Variants in PDIA2 observed in about 807,000 individuals in gnomAD.
PDIA2 encodes the protein protein disulfide-isomerase A2.
A neutral mutation model predicts 51.1 loss-of-function variants in PDIA2; 76 were observed. The ratio of observed to expected loss-of-function variants is 1.49; its 90% CI spans 1.24 to 1.80. The LOEUF is 1.80. Ranked by LOEUF, PDIA2 falls within the 40% of genes most tolerant of loss-of-function variation. PDIA2 has a pLI of 0.00. For synonymous variants in PDIA2, 429 were observed against 309.9 expected, an observed-to-expected ratio of 1.38 and a Z score of -4.04; for missense variants, 946 against 706.5, an observed-to-expected ratio of 1.34 and a Z score of -3.84.
intron 9 of PDIA2, 50 bp downstream of exon 9, chr16:286,785 G>A (rs369183261): frequency 1.4e-4 from 218 of 1,611,996 alleles, no homozygotes; most frequent in Non-Finnish European, 1.7e-4. Flanking sequence ...ATCTTGCTGG[G>A]CATGGGGCTG....
At chr16:283,916 G>C (rs1419179391) in intron 1 of PDIA2, among the ~76,000 whole-genome samples, 2 of 152,208 alleles carry the variant, frequency 1.3e-5, no homozygotes, top group Non-Finnish European at 2.9e-5. Context: ...CCAGGCTGGA[G>C]TGCAGTGGCC....
chr16:285,811 G>GCAGAGGCCCCC, intron 7 of PDIA2, 108 bp downstream of exon 7: 1 of 1,242,058 alleles, frequency 8.1e-7, no homozygotes, highest in Non-Finnish European at 1.1e-6. Context: ...TGCAGGCCCC[G>GCAGAGGCCCCC]CAGAGGCCCC....
chr16:284,573 C>T lies in PDIA2; in HGVS notation c.386C>T (p.Thr129Met), dbSNP rs200818617. ...TLKFFRNGNR[T>M]HPEEYTGPRD... is the part of the protein sequence containing the mutation. ...AAGTTCTTCCGCAATGGGAACCGCA[C>T]GCACCCGGAGGAGTACACAGGTGAG... The change falls in exon 2 of 11, where the codon ACG becomes ATG. Residue 129 changes from threonine to methionine, a missense_variant. Physicochemically the swap from Thr to Met is moderately conservative, Grantham distance 81. Coordinates refer to ENST00000219406, the MANE Select transcript of PDIA2 (RefSeq NM_006849.4). The T allele has an allele frequency of 2.5e-5, 40 of 1,612,412 alleles. No homozygotes were observed. The Middle Eastern group carries it at 1.2e-3, about 47-fold the overall frequency.
rs368987592 is a variant in PDIA2, at chr16:285,388, G to C, written c.872G>C (p.Arg291Pro). 1 of 1,612,282 alleles carries C rather than the reference G, an allele frequency of 6.2e-7. No individual in the cohort carries two copies. The highest frequency in any genetic ancestry group is 1.3e-5 in the African/African-American group (1 of 74,848). ...GTCAACCAGACGCTGGCTGCGCACC[G>C]GGAGCTCCTAGCGGGCTTTGGGGAG... ...LFVNQTLAAH[R>P]ELLAGFGEAA... is the part of the protein sequence containing the mutation. Residue 291 changes from arginine to proline, a missense_variant, in exon 6 of 11, where the codon CGG becomes CCG. Coordinates refer to ENST00000219406, the MANE Select transcript of PDIA2 (RefSeq NM_006849.4).
Position 284,723 on chromosome 16 carries a change from G to A in PDIA2, c.471G>A (p.Arg157=). 6.4e-7 allele frequency: 1 copy of A among 1,569,830 alleles called. No individual in the cohort carries two copies. The highest frequency in any genetic ancestry group is 8.6e-7 in the Non-Finnish European group (1 of 1,163,212). The change falls in exon 3 of 11, where the codon CGG becomes CGA. Residue 157 remains arginine, a synonymous_variant. Transcript: ENST00000219406. ...GGCGGGTGGGGCCCAGTGCCATGCG[G>A]CTGGAGGACGAGGCGGCCGCCCAGG... ...LRRRVGPSAM[R]LEDEAAAQAL...
At position 285,123 on chromosome 16, in the gene PDIA2, C is replaced by T; in HGVS notation, c.718C>T (p.Leu240Phe). Residue 240 changes from leucine to phenylalanine, a missense_variant, in exon 5 of 11, where the codon CTT becomes TTT. Coordinates refer to ENST00000219406, the MANE Select transcript of PDIA2 (RefSeq NM_006849.4). ...GRADFPVDEE[L>F]GLDLGDLSRF... ...GGCAGACTTCCCCGTGGACGAGGAGCTTGGCCTGGACCTGGGGGATCTGTC... is the reference window on the plus strand; with the variant it reads ...GGCAGACTTCCCCGTGGACGAGGAGTTTGGCCTGGACCTGGGGGATCTGTC... The T allele has an allele frequency of 6.2e-7, 1 of 1,613,058 alleles. No individual in the cohort carries two copies.
rs2052370006 is a variant in PDIA2, at chr16:286,127, T to C, written c.1120-226T>C. On this transcript the variant is annotated intron_variant, in intron 7 of 10. Coordinates refer to ENST00000219406, the MANE Select transcript of PDIA2 (RefSeq NM_006849.4). Reference sequence around the variant, plus strand: ...TCCCTCCCCCCACTAAACCCCACAGTTCTCCCAAACTTGAAGAGGACCTCC... The same window carrying C: ...TCCCTCCCCCCACTAAACCCCACAGCTCTCCCAAACTTGAAGAGGACCTCC... Among the ~76,000 whole-genome samples, 4 of 42,310 alleles carry C rather than the reference T, an allele frequency of 9.5e-5. No individual in the cohort carries two copies. The South Asian group carries it at 4.6e-3, about 49-fold the overall frequency. The allele number at this position is 42,310 out of a possible 152,430, so 27.8% of individuals were successfully genotyped here.
At chr16:285,966 T>TCCCAACCCCAACCCCAAC (rs1268464640) in intron 7 of PDIA2, among the ~76,000 whole-genome samples, 1 of 12,274 alleles carries the variant, frequency 8.1e-5, no homozygotes, top group African/African-American at 4.5e-4. Context: ...CCCGCGGTTC[T>TCCCAACCCCAACCCCAAC]CCCAACCCCG....
chr16:286,769 G>A (rs767404927), intron 9 of PDIA2, 34 bp downstream of exon 9: 3 of 1,612,560 alleles, frequency 1.9e-6, no homozygotes, highest in Non-Finnish European at 1.7e-6. Context: ...AGGAAGCCGG[G>A]GTGCCATCTT....
At position 284,604 on chromosome 16, in the gene PDIA2, G is replaced by C. The variant is rs201969155; in HGVS notation, c.406+11G>C. The C allele has an allele frequency of 6.7e-5, 107 of 1,608,496 alleles. 1 individual carries two copies. In the African/African-American group the frequency reaches 1.4e-3, roughly 20 times the overall value. ...CGGAGGAGTACACAGGTGAGGGGCA[G>C]GCCGGTCATTGGGGGGGCGGTGGCC... On this transcript the variant is annotated intron_variant, in intron 2 of 10. Coordinates refer to ENST00000219406, the MANE Select transcript of PDIA2 (RefSeq NM_006849.4).
rs776359040 is a variant in PDIA2 at position 286,879 on chromosome 16, G to A, written c.1467G>A (p.Lys489=). ...CCAGGGACCTGGAGACTTTCTCCAA[G>A]TTCCTGGACAACGGGGGCGTGCTGC... is the stretch of plus-strand genomic sequence containing the variant. ...KSTRDLETFS[K]FLDNGGVLPT... The change falls in exon 10 of 11, where the codon AAG becomes AAA. Residue 489 remains lysine, a synonymous_variant. Coordinates refer to ENST00000219406, the MANE Select transcript of PDIA2 (RefSeq NM_006849.4). The A allele has an allele frequency of 1.2e-6, 2 of 1,606,454 alleles. No homozygotes were observed. Among genetic ancestry groups the A allele is most frequent in the South Asian group, 1.1e-5 (1 of 90,342 alleles).
In PDIA2 at chr16:285,447, G is replaced by T. The variant is rs755731277; in HGVS notation, c.921+10G>T. On this transcript the variant is annotated intron_variant, in intron 6 of 10. Transcript: ENST00000219406. ...CCGCTTCCGGGGGCAGGTACTGGGG[G>T]GCTGGGGGAAAGGGGCAGCGGGAGA... 2.5e-6 allele frequency: 4 copies of T among 1,611,290 alleles called. No homozygotes were observed. Among genetic ancestry groups the T allele is most frequent in the Non-Finnish European group, 3.4e-6 (4 of 1,179,570 alleles).
chr16:286,915 GC>G lies in PDIA2; in HGVS notation c.1508del (p.Pro503ArgfsTer51). The G allele has an allele frequency of 6.3e-7, 1 of 1,599,334 alleles. No individual in the cohort carries two copies. Among genetic ancestry groups the G allele is most frequent in the Non-Finnish European group, 8.5e-7 (1 of 1,174,916 alleles). On this transcript the variant is annotated frameshift_variant, in exon 10 of 11. Coordinates refer to ENST00000219406, the MANE Select transcript of PDIA2 (RefSeq NM_006849.4). LOFTEE classifies it low-confidence loss of function (END_TRUNC). The part of the protein sequence containing the change: ...DNGGVLPTEE[P>X]PEEPAAPFPE... ...ACGGGGGCGTGCTGCCCACGGAGGA[GC>G]CCCCGGAGGAGCCAGCAGCCCCGTT...
chr16:286,020 TTCTCCAACCCC>T (rs2052365540), intron 7 of PDIA2, among the ~76,000 whole-genome samples: 1 of 55,644 alleles, frequency 1.8e-5, no homozygotes. Context: ...AACCCCGCGG[TTCTCCAACCCC>T]GCGGTTCTCC....
chr16:285,782 T>A, intron 7 of PDIA2, 79 bp downstream of exon 7: 4 of 1,466,684 alleles, frequency 2.7e-6, no homozygotes, highest in Non-Finnish European at 3.7e-6. Flanking sequence ...GAACAGCAGC[T>A]CTCAGAGCCC....
At chr16:284,311 C>G (rs977317124) in intron 1 of PDIA2, 76 bp from the exon 2 acceptor site, 4 of 1,397,952 alleles carry the variant, frequency 2.9e-6, no homozygotes, top group Non-Finnish European at 3.9e-6. Context: ...CGCTTGTTCC[C>G]TGCTGGGTTG....
At position 286,674 on chromosome 16, in the gene PDIA2, A is replaced by G. The variant is rs754944090; in HGVS notation, c.1361A>G (p.Asp454Gly). ...AELDATANELDAFAVHGFPTL... is the reference protein window; with the variant it reads ...AELDATANELGAFAVHGFPTL... ...CTGGATGCCACGGCCAACGAGCTGG[A>G]TGCCTTCGCTGTGCACGGCTTCCCT... Residue 454 changes from aspartate to glycine, a missense_variant, in exon 9 of 11, where the codon GAT becomes GGT. Asp to Gly is a moderately conservative substitution (Grantham distance 94). Transcript: ENST00000219406. 1.2e-6 allele frequency: 2 copies of G among 1,612,790 alleles called. No homozygotes were observed. Among genetic ancestry groups the G allele is most frequent in the Non-Finnish European group, 1.7e-6 (2 of 1,180,002 alleles).
chr16:284,880 C>T lies in PDIA2; in HGVS notation c.543C>T (p.Asp181=). 1.2e-6 allele frequency: 2 copies of T among 1,612,380 alleles called. No individual in the cohort carries two copies. Among genetic ancestry groups the T allele is most frequent in the Non-Finnish European group, 1.7e-6 (2 of 1,179,584 alleles). ...CCTCACAGGGCCAGGCCCCTCAGGA[C>T]CTGCAGGACGAGGACGTGGCCACCT... ...RDLVVIGFFQ[D]LQDEDVATFL... is the part of the protein sequence containing the mutation. The change falls in exon 4 of 11, where the codon GAC becomes GAT. Residue 181 remains aspartate (D), a splice_region_variant and synonymous_variant. Transcript: ENST00000219406.
chr16:285,060 G>A (rs536381587), intron 4 of PDIA2, 24 bp from the exon 5 acceptor site: 30 of 1,613,076 alleles, frequency 1.9e-5, no homozygotes, highest in East Asian at 1.8e-4. Context: ...TGCAGCGCCC[G>A]CTAACCCACC....
Sources: allele counts gnomAD v4.1 joint callset (sites outside exome capture counted in the v4.1 genomes callset), GRCh38; gene constraint gnomAD v4.1.1; transcripts MANE v1.5; gene names NCBI Gene and HGNC (gene_info 2026-07-23, HGNC 2026-07-21).